Variants in MAP2 observed in about 807,000 individuals in gnomAD.
The protein encoded by MAP2 is microtubule associated protein 2.
MAP2 carries 14 observed loss-of-function variants against 137.6 expected under a neutral mutation model. That is an observed-to-expected ratio of 0.10 (90% CI 0.07 to 0.16). MAP2 has a LOEUF of 0.16. MAP2 is among the 10% of genes least tolerant of loss of function. The pLI is 1.00. For synonymous variants in MAP2, 786 were observed against 782.3 expected, an observed-to-expected ratio of 1.00 and a Z score of -0.08; for missense variants, 2,088 against 2,191.5, an observed-to-expected ratio of 0.95 and a Z score of 0.94.
intron 3 of MAP2, among the ~76,000 whole-genome samples, chr2:209,592,744 A>T (rs1255459959): frequency 6.6e-6 from 1 of 152,176 alleles, no homozygotes. Context: ...TGATGTGTCC[A>T]GATGAAGGTC....
chr2:209,431,042 A>G (rs1030575501), intron 1 of MAP2, among the ~76,000 whole-genome samples: 1 of 152,184 alleles, frequency 6.6e-6, no homozygotes, highest in South Asian at 2.1e-4. Context: ...TTTAAAACTC[A>G]GTCACGAATT....
chr2:209,611,386 A>T (rs1333161075), intron 3 of MAP2, among the ~76,000 whole-genome samples: 1 of 152,088 alleles, frequency 6.6e-6, no homozygotes, highest in East Asian at 1.9e-4. Flanking sequence ...AAATAACAAC[A>T]TTCTTTCTCT....
chr2:209,469,991 T>A lies in MAP2; in HGVS notation c.-221-37601T>A, dbSNP rs984938495. On this transcript the variant is annotated intron_variant, in intron 1 of 15. Transcript: ENST00000682079. Reference sequence around the variant, plus strand: ...GTGAGAGTGTGTGGCTCACAATAAATACTCAAGAACTACTGGTTTCTGTTC... The same window carrying A: ...GTGAGAGTGTGTGGCTCACAATAAAAACTCAAGAACTACTGGTTTCTGTTC... 4.6e-5 allele frequency among the ~76,000 whole-genome samples: 7 copies of A among 152,200 alleles called. 1 individual carries two copies. Among genetic ancestry groups the A allele is most frequent in the African/African-American group, 1.7e-4 (7 of 41,458 alleles).
chr2:209,635,953 A>G (rs185950865), intron 4 of MAP2, among the ~76,000 whole-genome samples: 7 of 152,238 alleles, frequency 4.6e-5, no homozygotes, highest in East Asian at 1.9e-4. Context: ...CAAGACCCCA[A>G]TGTGGCTGAA....
chr2:209,614,563 A>C (rs984209942), intron 3 of MAP2, among the ~76,000 whole-genome samples: 1 of 152,170 alleles, frequency 6.6e-6, no homozygotes, highest in Admixed American at 6.5e-5. Flanking sequence ...AACATTATAG[A>C]TCGAGATATA....
At position 209,694,687 on chromosome 2, in the gene MAP2, G is replaced by A. The variant is rs1029349545; in HGVS notation, c.2517G>A (p.Val839=). The A allele has an allele frequency of 1.2e-6, 2 of 1,614,046 alleles. No homozygotes were observed. The highest frequency in any genetic ancestry group is 1.7e-6 in the Non-Finnish European group (2 of 1,180,032). Residue 839 remains valine (V), a synonymous_variant, in exon 8 of 16, where the codon GTG becomes GTA. Coordinates refer to ENST00000682079, the MANE Select transcript of MAP2 (RefSeq NM_001375505.1). ...ARRKSVPSET[V]VEDSRTGLPP... Reference sequence around the variant, plus strand: ...GGAAATCAGTCCCATCAGAGACTGTGGTTGAGGATAGTCGTACTGGCTTGC... The same window carrying A: ...GGAAATCAGTCCCATCAGAGACTGTAGTTGAGGATAGTCGTACTGGCTTGC...
intron 14 of MAP2, among the ~76,000 whole-genome samples, chr2:209,726,570 C>T (rs974596216): frequency 2.6e-5 from 4 of 152,054 alleles, no homozygotes; most frequent in Non-Finnish European, 5.9e-5. Context: ...ACAGACTCAG[C>T]AACATAGGGA....
chr2:209,704,527 G>C (rs748101855), intron 11 of MAP2: 1 of 1,612,540 alleles, frequency 6.2e-7, no homozygotes, highest in South Asian at 1.1e-5. Flanking sequence ...GCCCTAGCAC[G>C]ACTAAAAGGG....
chr2:209,664,962 CAAAA>C (rs67286716), intron 5 of MAP2, among the ~76,000 whole-genome samples: 20 of 51,832 alleles, frequency 3.9e-4, no homozygotes, highest in South Asian at 3.6e-3. Flanking sequence ...AACTCCGTCT[CAAAA>C]AAAAAAAAAA....
chr2:209,464,024 A>C (rs941348055), intron 1 of MAP2, among the ~76,000 whole-genome samples: 2 of 152,134 alleles, frequency 1.3e-5, no homozygotes, highest in Non-Finnish European at 1.5e-5. Context: ...CAGGTGTTCA[A>C]ATCACAGAGT....
intron 2 of MAP2, among the ~76,000 whole-genome samples, chr2:209,516,544 G>T (rs79807412): frequency 6.6e-6 from 1 of 152,004 alleles, no homozygotes; most frequent in African/African-American, 2.4e-5. Context: ...AAAAAGGGAA[G>T]GGTTAAGGAA....
intron 10 of MAP2, among the ~76,000 whole-genome samples, chr2:209,697,814 G>T (rs1160562687): frequency 1.3e-5 from 2 of 152,048 alleles, no homozygotes; most frequent in African/African-American, 4.8e-5. Context: ...ACTTCAGTTA[G>T]AAATAAACTT....
At chr2:209,642,523 A>G (rs2094118694) in intron 4 of MAP2, among the ~76,000 whole-genome samples, 1 of 152,038 alleles carries the variant, frequency 6.6e-6, no homozygotes, top group African/African-American at 2.4e-5. Flanking sequence ...CTGAACTTAT[A>G]CTTTATTTGT....
At chr2:209,627,245 A>AT (rs1392482025) in intron 4 of MAP2, among the ~76,000 whole-genome samples, 1 of 152,012 alleles carries the variant, frequency 6.6e-6, no homozygotes, top group Non-Finnish European at 1.5e-5. Flanking sequence ...TAAAAAAGAA[A>AT]TTTTTTTTCA....
Position 209,452,734 on chromosome 2 carries a change from A to G in MAP2, c.-222+28458A>G, listed in dbSNP as rs543265019. Among the ~76,000 whole-genome samples, 202 of 152,282 alleles carry G rather than the reference A, an allele frequency of 1.3e-3. 1 individual carries two copies. Among genetic ancestry groups the G allele is most frequent in the Non-Finnish European group, 2.1e-3 (142 of 68,022 alleles). ...CCTTCAGTTTTTAGCCTGCATACAT[A>G]CCTCAGTACCAGCCAACGGTTCTTT... is the stretch of plus-strand genomic sequence containing the variant. On this transcript the variant is annotated intron_variant, in intron 1 of 15. Transcript: ENST00000682079.
chr2:209,534,504 G>A (rs1464121634), intron 2 of MAP2, among the ~76,000 whole-genome samples: 1 of 152,158 alleles, frequency 6.6e-6, no homozygotes, highest in Non-Finnish European at 1.5e-5. Flanking sequence ...AGTAATTTCT[G>A]GAGGTTTTCA....
At chr2:209,504,984 C>T (rs1326474628) in intron 1 of MAP2, among the ~76,000 whole-genome samples, 2 of 152,118 alleles carry the variant, frequency 1.3e-5, no homozygotes, top group Non-Finnish European at 2.9e-5. Flanking sequence ...TGTGTTGAAT[C>T]ACTGTCCTTC....
At chr2:209,604,159 G>T (rs549638010) in intron 3 of MAP2, among the ~76,000 whole-genome samples, 1 of 152,228 alleles carries the variant, frequency 6.6e-6, no homozygotes, top group African/African-American at 2.4e-5. Flanking sequence ...GCTTAGGGTA[G>T]GGCCCAAGAA....
Position 209,510,030 on chromosome 2 carries a change from CAA to C in MAP2, c.-172+2401_-172+2402del, listed in dbSNP as rs11297017. Among the ~76,000 whole-genome samples the C allele has an allele frequency of 5.5e-3, 795 of 143,260 alleles. 5 individuals are homozygous for C. Among genetic ancestry groups the C allele is most frequent in the Non-Finnish European group, 8.5e-3 (554 of 65,440 alleles). 94.0% of individuals were successfully genotyped at this position (143,260 alleles called of 152,430 possible). A position where few individuals can be genotyped will look rare whatever the true frequency, so the allele number is the denominator to read the frequency against. ...GTGTTTTAATCTCCTAAAGTTATTA[CAA>C]AAAAAAAAAAAGTCAGAATGAAATC... On this transcript the variant is annotated intron_variant, in intron 2 of 15. Transcript: ENST00000682079.
Sources: gnomAD v4.1 joint callset for allele counts (sites outside exome capture counted in the v4.1 genomes callset) on GRCh38, gnomAD v4.1.1 for gene constraint, MANE v1.5 for transcripts, NCBI Gene and HGNC (gene_info 2026-07-23, HGNC 2026-07-21) for gene names.